MGST1: variants seen among roughly 807,000 people sequenced by gnomAD.
The protein encoded by MGST1 is glutathione S-transferase 12.
A neutral mutation model predicts 8.9 loss-of-function variants in MGST1; 5 were observed. That is an observed-to-expected ratio of 0.56 (90% confidence interval 0.29 to 1.19). MGST1 has a LOEUF of 1.19. Ranked by LOEUF, MGST1 falls within the 50% of genes most tolerant of loss-of-function variation. MGST1 has a pLI of 0.08. For synonymous variants in MGST1, 54 were observed against 67.8 expected (o/e 0.80, Z 1.00); for missense variants, 182 against 187.4 (o/e 0.97, Z 0.17).
downstream of MGST1, among the ~76,000 whole-genome samples, chr12:16,381,272 T>C (rs1488397268): frequency 6.6e-6 from 1 of 152,234 alleles, no homozygotes; most frequent in African/African-American, 2.4e-5. Flanking sequence ...TTGCAGTGGC[T>C]GGTACCGGTT....
intron 1 of MGST1, 71 bp from the exon 2 acceptor site, chr12:16,354,160 C>A: frequency 9.0e-7 from 1 of 1,109,056 alleles, no homozygotes; most frequent in Non-Finnish European, 1.3e-6. Flanking sequence ...AATATAAGAA[C>A]ATCAAATGAT....
chr12:16,561,657 G>A (rs138890274), intron 4 of MGST1, among the ~76,000 whole-genome samples: 64 of 152,274 alleles, frequency 4.2e-4, no homozygotes, highest in African/African-American at 1.5e-3. Context: ...ATTACTTTCT[G>A]TAGACTCCAA....
chr12:16,452,693 G>A (rs1045020572), intron 4 of MGST1, among the ~76,000 whole-genome samples: 3 of 151,800 alleles, frequency 2.0e-5, no homozygotes, highest in Non-Finnish European at 2.9e-5. Flanking sequence ...TTTAACTTTA[G>A]GAGTGATGTT....
intron 4 of MGST1, among the ~76,000 whole-genome samples, chr12:16,481,798 A>C (rs1941366009): frequency 6.6e-6 from 1 of 152,130 alleles, no homozygotes; most frequent in South Asian, 2.1e-4. Context: ...TTTCAGATAG[A>C]AAAGAATACA....
intron 4 of MGST1, among the ~76,000 whole-genome samples, chr12:16,450,222 T>C (rs1208967381): frequency 6.6e-6 from 1 of 151,928 alleles, no homozygotes; most frequent in African/African-American, 2.4e-5. Flanking sequence ...AGAACTTAAT[T>C]ATTGGTTGCA....
At chr12:16,408,097 G>C (rs1189523659) in intron 1 of MGST1, among the ~76,000 whole-genome samples, 1 of 145,104 alleles carries the variant, frequency 6.9e-6, no homozygotes, top group Non-Finnish European at 1.5e-5. Flanking sequence ...ACTATACTTA[G>C]CAAAGTAATA....
Position 16,513,670 on chromosome 12 carries a change from C to T in MGST1, n.483-75858C>T, listed in dbSNP as rs759531. ...AGCCAAAAATTTGGACGAGGACTAC[C>T]TCTCCATTGGGCGGCTGGCTGAATT... is the stretch of plus-strand genomic sequence containing the variant. On this transcript the variant is annotated intron_variant and non_coding_transcript_variant, in intron 4 of 4. Transcript: ENST00000538857. The surrounding 1 kb of genome is among the most constrained non-coding windows in gnomAD (Gnocchi z 4.2). 495,216 of 517,686 alleles carry T rather than the reference C, an allele frequency of 0.96. 238,333 individuals carry two copies. The highest frequency in any genetic ancestry group is 1 in the Non-Finnish European group (255,893 of 256,292). 32.1% of individuals were successfully genotyped at this position (517,686 alleles called of 1,614,324 possible).
intron 4 of MGST1, among the ~76,000 whole-genome samples, chr12:16,508,447 A>T (rs1260852987): frequency 3.3e-5 from 5 of 152,282 alleles, no homozygotes; most frequent in East Asian, 3.9e-4. Flanking sequence ...TCACGGGGGA[A>T]GTCTTATTTT....
intron 4 of MGST1, among the ~76,000 whole-genome samples, chr12:16,521,302 T>C (rs1316338533): frequency 6.6e-5 from 10 of 152,074 alleles, no homozygotes; most frequent in Non-Finnish European, 1.3e-4. Flanking sequence ...ATTCCAAAAA[T>C]GCAATTATAG....
intron 4 of MGST1, among the ~76,000 whole-genome samples, chr12:16,564,344 G>A (rs1942514134): frequency 6.6e-6 from 1 of 152,144 alleles, no homozygotes; most frequent in South Asian, 2.1e-4. Flanking sequence ...GTTTTTAAAG[G>A]TGCCAGAACA....
At chr12:16,583,468 A>G (rs1168331317) in intron 4 of MGST1, among the ~76,000 whole-genome samples, 2 of 152,230 alleles carry the variant, frequency 1.3e-5, no homozygotes, top group Non-Finnish European at 2.9e-5. Flanking sequence ...AAGAAAAACA[A>G]GTTACCTCAT....
intron 1 of MGST1, among the ~76,000 whole-genome samples, chr12:16,430,098 G>T (rs1940925386): frequency 6.6e-6 from 1 of 152,088 alleles, no homozygotes; most frequent in African/African-American, 2.4e-5. Context: ...TCCATCTCAA[G>T]AAATCACTTT....
At chr12:16,507,240 G>A (rs1448938058) in intron 4 of MGST1, among the ~76,000 whole-genome samples, 1 of 152,172 alleles carries the variant, frequency 6.6e-6, no homozygotes, top group Admixed American at 6.5e-5. Context: ...GGGCCAATGT[G>A]TTTGGTAGAG....
chr12:16,351,522 TA>T (rs1040153689), intron 1 of MGST1, among the ~76,000 whole-genome samples: 8 of 151,912 alleles, frequency 5.3e-5, no homozygotes, highest in African/African-American at 1.9e-4. Flanking sequence ...AAAACAAAAA[TA>T]GGGGGGCCAG....
intron 4 of MGST1, among the ~76,000 whole-genome samples, chr12:16,470,788 A>C (rs935988997): frequency 2.0e-5 from 3 of 152,218 alleles, no homozygotes; most frequent in Non-Finnish European, 4.4e-5. Context: ...AAAATCAATA[A>C]TAAACTCAAA....
chr12:16,551,702 A>G (rs1941997301), intron 4 of MGST1, among the ~76,000 whole-genome samples: 1 of 151,974 alleles, frequency 6.6e-6, no homozygotes, highest in Non-Finnish European at 1.5e-5. Flanking sequence ...CACTGCAGTA[A>G]TTATGGATGA....
chr12:16,575,618 G>A (rs770136839), intron 4 of MGST1, among the ~76,000 whole-genome samples: 28 of 152,086 alleles, frequency 1.8e-4, no homozygotes. Context: ...AGGAAAATGA[G>A]GCATGCAGAA....
At chr12:16,489,167 A>C (rs1401042250) in intron 4 of MGST1, among the ~76,000 whole-genome samples, 1 of 152,148 alleles carries the variant, frequency 6.6e-6, no homozygotes, top group African/African-American at 2.4e-5. Context: ...TGAACAAATA[A>C]ATGAGTCATT....
Position 16,401,746 on chromosome 12 carries a change from C to G in MGST1, n.778+18142C>G. 3 of 1,600,224 alleles carry G rather than the reference C, an allele frequency of 1.9e-6. No homozygotes were observed. The highest frequency in any genetic ancestry group is 1.7e-5 in the Admixed American group (1 of 60,006). ...GCCCCAGCAAGGTATTTTTTCTCTT[C>G]AACGGCCTTTTCCACAGACTCAGCC... On this transcript the variant is annotated intron_variant and non_coding_transcript_variant, in intron 1 of 1. Transcript: ENST00000359720. The surrounding 1 kb of genome is among the most constrained non-coding windows in gnomAD (Gnocchi z 4.3).
Sources: allele counts gnomAD v4.1 joint callset (sites outside exome capture counted in the v4.1 genomes callset), GRCh38; gene constraint gnomAD v4.1.1; non-coding constraint Gnocchi (gnomAD v3.1); transcripts MANE v1.5; gene names NCBI Gene and HGNC (gene_info 2026-07-23, HGNC 2026-07-21).